Variants in MCUB observed in about 807,000 individuals in gnomAD.
MCUB encodes the protein mitochondrial calcium uniporter dominant negative subunit beta, also known as calcium uniporter regulatory subunit MCUb, mitochondrial.
In MCUB, 46 loss-of-function variants were observed where a neutral mutation model predicts 41.4. The ratio of observed to expected loss-of-function variants is 1.11; its 90% CI spans 0.88 to 1.42. MCUB has a LOEUF of 1.42. MCUB is among the 40% of genes most tolerant of loss of function. The pLI is 0.00. For synonymous variants in MCUB, 148 were observed against 148.2 expected, an observed-to-expected ratio of 1.00 and a Z score of 0.01; for missense variants, 403 against 404.9, an observed-to-expected ratio of 1.00 and a Z score of 0.04.
intron 1 of MCUB, among the ~76,000 whole-genome samples, chr4:109,621,325 T>A (rs1728246702): frequency 1.3e-5 from 2 of 152,282 alleles, no homozygotes; most frequent in South Asian, 4.1e-4. Flanking sequence ...GAGTAATGAT[T>A]AAGATACTAT....
At chr4:109,632,356 AAATCT>A (rs138937660) in intron 1 of MCUB, among the ~76,000 whole-genome samples, 3,847 of 152,188 alleles carry the variant, frequency 0.025, 175 homozygotes, top group African/African-American at 0.089. Context: ...TCAACTAGAG[AAATCT>A]AATCTAAAAT....
intron 1 of MCUB, among the ~76,000 whole-genome samples, chr4:109,566,438 C>T (rs1441931085): frequency 6.7e-6 from 1 of 150,016 alleles, no homozygotes; most frequent in Non-Finnish European, 1.5e-5. Flanking sequence ...CCACTGCACT[C>T]TAGCCTAGGC....
chr4:109,576,518 CTT>C (rs34834019), intron 1 of MCUB, among the ~76,000 whole-genome samples: 1,915 of 131,668 alleles, frequency 0.015, 18 homozygotes, highest in East Asian at 0.064. Context: ...TAACATTTGC[CTT>C]TTTTTTTTTT....
At chr4:109,576,644 T>G (rs1727037477) in intron 1 of MCUB, among the ~76,000 whole-genome samples, 1 of 151,866 alleles carries the variant, frequency 6.6e-6, no homozygotes. Flanking sequence ...GTATAATTCA[T>G]GGTCCAACAG....
intron 1 of MCUB, among the ~76,000 whole-genome samples, chr4:109,594,995 C>G (rs141098594): frequency 0.04 from 6,018 of 151,740 alleles, 128 homozygotes; most frequent in Non-Finnish European, 0.058. Context: ...CAATAGTGTT[C>G]TTTTTCAGGT....
intron 1 of MCUB, among the ~76,000 whole-genome samples, chr4:109,576,830 G>C (rs1283633115): frequency 2.6e-5 from 4 of 152,138 alleles, no homozygotes; most frequent in Non-Finnish European, 5.9e-5. Flanking sequence ...GGCCAAGCCA[G>C]ATACTCAGAA....
intron 7 of MCUB, among the ~76,000 whole-genome samples, chr4:109,686,987 T>C (rs936289053): frequency 3.3e-5 from 5 of 151,672 alleles, no homozygotes; most frequent in Non-Finnish European, 7.4e-5. Flanking sequence ...GAATATTAAG[T>C]GGAAAACCAT....
At chr4:109,580,099 A>C (rs574791951) in intron 1 of MCUB, among the ~76,000 whole-genome samples, 1 of 151,940 alleles carries the variant, frequency 6.6e-6, no homozygotes, top group East Asian at 1.9e-4. Flanking sequence ...CTCATTGTTC[A>C]GTTCCCAATT....
At chr4:109,684,252 C>T (rs796424446) in intron 5 of MCUB, among the ~76,000 whole-genome samples, 191 bp from the exon 6 acceptor site, 42 of 151,932 alleles carry the variant, frequency 2.8e-4, no homozygotes, top group African/African-American at 9.6e-4. Context: ...TTAGTAGAGA[C>T]GGGGTTTCAC....
intron 1 of MCUB, among the ~76,000 whole-genome samples, chr4:109,562,553 C>T (rs1726666236): frequency 6.6e-6 from 1 of 152,174 alleles, no homozygotes; most frequent in Non-Finnish European, 1.5e-5. Flanking sequence ...TTGTGGCTTT[C>T]CCACTTGTTA....
At chr4:109,679,086 TA>T (rs1220284097) in intron 4 of MCUB, among the ~76,000 whole-genome samples, 8 of 114,684 alleles carry the variant, frequency 7.0e-5, no homozygotes, top group Non-Finnish European at 1.4e-4. Context: ...CACTTCCCAT[TA>T]GGGGCAGCCG....
At chr4:109,607,761 A>ATGTAACTCTATTGTATGTTAT (rs1411956001) in intron 1 of MCUB, among the ~76,000 whole-genome samples, 3 of 152,130 alleles carry the variant, frequency 2.0e-5, no homozygotes, top group Non-Finnish European at 4.4e-5. Flanking sequence ...TGCTAGACAT[A>ATGTAACTCTATTGTATGTTAT]TTGGAACTCT....
chr4:109,618,975 TC>T (rs1728187787), intron 1 of MCUB, among the ~76,000 whole-genome samples: 1 of 150,940 alleles, frequency 6.6e-6, no homozygotes, highest in East Asian at 2.0e-4. Flanking sequence ...TCTCTCTCTC[TC>T]TCTCTCTCTC....
intron 1 of MCUB, among the ~76,000 whole-genome samples, chr4:109,605,964 T>G (rs558062060): frequency 5.1e-5 from 2 of 39,236 alleles, no homozygotes; most frequent in East Asian, 1.1e-3. Context: ...GGGTTTTTGT[T>G]TGTTTGTTTG....
intron 1 of MCUB, among the ~76,000 whole-genome samples, chr4:109,594,755 G>T (rs1727516477): frequency 1.3e-5 from 2 of 151,376 alleles, no homozygotes; most frequent in Non-Finnish European, 2.9e-5. Flanking sequence ...ATGGAAGGGA[G>T]AGGCCTCCGG....
intron 1 of MCUB, among the ~76,000 whole-genome samples, chr4:109,645,470 T>C (rs1728812806): frequency 1.3e-5 from 2 of 151,478 alleles, no homozygotes; most frequent in South Asian, 2.1e-4. Flanking sequence ...TCAAATTACT[T>C]CTAGATTTAA....
chr4:109,684,662 G>T lies in MCUB; in HGVS notation c.816+16G>T. 1 of 1,221,476 alleles carries T rather than the reference G, an allele frequency of 8.2e-7. No homozygotes were observed. Among genetic ancestry groups the T allele is most frequent in the South Asian group, 1.3e-5 (1 of 79,036 alleles). The allele number at this position is 1,221,476 out of a possible 1,614,324, so 75.7% of individuals were successfully genotyped here. ...CACTCGACAGGTGAGTAGTTTGTTAGGAAAATGGTAAGTTAGAACATCTTT... is the reference window on the plus strand; with the variant it reads ...CACTCGACAGGTGAGTAGTTTGTTATGAAAATGGTAAGTTAGAACATCTTT... On this transcript the variant is annotated intron_variant, in intron 6 of 7. Transcript: ENST00000394650.
chr4:109,624,912 G>A (rs1335101137), intron 1 of MCUB, among the ~76,000 whole-genome samples: 1 of 152,158 alleles, frequency 6.6e-6, no homozygotes, highest in Non-Finnish European at 1.5e-5. Flanking sequence ...GGCCAAGGTG[G>A]GTGGATCATT....
At chr4:109,583,589 C>G (rs1243235979) in intron 1 of MCUB, among the ~76,000 whole-genome samples, 1 of 152,164 alleles carries the variant, frequency 6.6e-6, no homozygotes, top group East Asian at 1.9e-4. Flanking sequence ...GTCAGAACTT[C>G]CAACACTGTG....
Sources: allele counts gnomAD v4.1 joint callset (sites outside exome capture counted in the v4.1 genomes callset), GRCh38; gene constraint gnomAD v4.1.1; transcripts MANE v1.5; gene names NCBI Gene and HGNC (gene_info 2026-07-23, HGNC 2026-07-21).